Variants in BTBD9 observed in about 807,000 individuals in gnomAD.
BTBD9 encodes BTB domain containing 9, also known as BTB/POZ domain-containing protein 9.
BTBD9 carries 49 observed loss-of-function variants against 64.3 expected under a neutral mutation model. That is an observed-to-expected ratio of 0.76 (90% CI 0.61 to 0.97). The LOEUF (loss-of-function observed/expected upper bound fraction) is 0.97, where lower values mean the gene tolerates loss of function less well. Ranked by LOEUF, BTBD9 falls within the 50% of genes least tolerant of loss-of-function variation. BTBD9 has a pLI of 0.00. For missense variants in BTBD9, 598 were observed against 762.1 expected (o/e 0.78, Z 2.53); for synonymous variants, 260 against 274.7 (o/e 0.95, Z 0.53).
chr6:38,396,848 G>A, intron 6 of BTBD9, among the ~76,000 whole-genome samples: 1 of 137,568 alleles, frequency 7.3e-6, no homozygotes, highest in East Asian at 2.1e-4. Context: ...TGAATATATT[G>A]TTTAAATAAA....
chr6:38,286,530 A>G (rs1282957082), intron 8 of BTBD9, among the ~76,000 whole-genome samples: 1 of 152,182 alleles, frequency 6.6e-6, no homozygotes, highest in Non-Finnish European at 1.5e-5. Flanking sequence ...ACATATATAT[A>G]TAAACATTAT....
chr6:38,634,920 T>C, intron 1 of BTBD9, among the ~76,000 whole-genome samples: 1 of 152,200 alleles, frequency 6.6e-6, no homozygotes, highest in Non-Finnish European at 1.5e-5. Context: ...AAAATTCTTA[T>C]TCTTCTCTAA....
At chr6:38,324,059 T>C (rs1763331017) in intron 7 of BTBD9, among the ~76,000 whole-genome samples, 1 of 152,154 alleles carries the variant, frequency 6.6e-6, no homozygotes, top group African/African-American at 2.4e-5. Context: ...GCTTTGATCA[T>C]GCCACTGAAC....
intron 10 of BTBD9, among the ~76,000 whole-genome samples, chr6:38,178,198 T>C (rs1761368876): frequency 6.6e-6 from 1 of 151,518 alleles, no homozygotes; most frequent in Admixed American, 6.6e-5. Flanking sequence ...AATCACAAAC[T>C]GTGTGGCGAA....
chr6:38,434,235 C>G (rs2127298942), intron 6 of BTBD9, among the ~76,000 whole-genome samples: 1 of 152,074 alleles, frequency 6.6e-6, no homozygotes, highest in Non-Finnish European at 1.5e-5. Flanking sequence ...TCTCCCAACC[C>G]TGAAGAGATT....
Position 38,293,824 on chromosome 6 carries a change from T to A in BTBD9, c.1265-5363A>T, listed in dbSNP as rs145837102. Among the ~76,000 whole-genome samples, 1,282 of 152,058 alleles carry A rather than the reference T, an allele frequency of 8.4e-3. 22 individuals are homozygous for A. Among genetic ancestry groups the A allele is most frequent in the African/African-American group, 0.028 (1,158 of 41,478 alleles). Reference sequence around the variant, plus strand: ...CAAAAGCCAAAATTGACAAATGGGATCTAATTGAACTAAAGAGCTTCTGCA... The same window carrying A: ...CAAAAGCCAAAATTGACAAATGGGAACTAATTGAACTAAAGAGCTTCTGCA... On this transcript the variant is annotated intron_variant, in intron 7 of 10. Transcript: ENST00000481247.
intron 7 of BTBD9, among the ~76,000 whole-genome samples, chr6:38,339,735 G>A (rs1327572239): frequency 6.6e-6 from 1 of 152,166 alleles, no homozygotes; most frequent in Non-Finnish European, 1.5e-5. Flanking sequence ...TTGCAGGTTT[G>A]ATTTTGGAAC....
chr6:38,632,677 A>C (rs936638730), intron 1 of BTBD9, among the ~76,000 whole-genome samples: 3 of 152,174 alleles, frequency 2.0e-5, no homozygotes, highest in Admixed American at 6.5e-5. Context: ...CACACCTGTA[A>C]TCCCAGTACT....
chr6:38,225,633 T>C (rs1225036160), intron 9 of BTBD9, among the ~76,000 whole-genome samples: 1 of 152,182 alleles, frequency 6.6e-6, no homozygotes, highest in African/African-American at 2.4e-5. Context: ...AAGTTATAAA[T>C]AACTTAAAAT....
chr6:38,299,429 C>T (rs1447099290), intron 7 of BTBD9, among the ~76,000 whole-genome samples: 1 of 152,210 alleles, frequency 6.6e-6, no homozygotes, highest in African/African-American at 2.4e-5. Context: ...GAGGAATCGC[C>T]ACACTGACTT....
intron 7 of BTBD9, among the ~76,000 whole-genome samples, chr6:38,310,159 C>T (rs1762776724): frequency 6.6e-6 from 1 of 152,170 alleles, no homozygotes; most frequent in Non-Finnish European, 1.5e-5. Context: ...TGAGTACGAA[C>T]TTCTGAATAC....
chr6:38,259,349 C>T (rs189139649), intron 8 of BTBD9, among the ~76,000 whole-genome samples: 2 of 152,298 alleles, frequency 1.3e-5, no homozygotes, highest in East Asian at 3.9e-4. Flanking sequence ...AAAGCTATTA[C>T]TGAGGACTAG....
At chr6:38,633,333 G>A (rs1778422686) in intron 1 of BTBD9, among the ~76,000 whole-genome samples, 1 of 152,162 alleles carries the variant, frequency 6.6e-6, no homozygotes, top group Non-Finnish European at 1.5e-5. Flanking sequence ...ACAAGCTACA[G>A]ACAAACAGTT....
At chr6:38,590,297 T>C (rs1380525830) in intron 4 of BTBD9, among the ~76,000 whole-genome samples, 2 of 152,240 alleles carry the variant, frequency 1.3e-5, no homozygotes, top group East Asian at 1.9e-4. Context: ...AATGGTTTCC[T>C]ATATTGAGCT....
At chr6:38,556,847 T>A (rs1407978967) in intron 6 of BTBD9, among the ~76,000 whole-genome samples, 3 of 149,216 alleles carry the variant, frequency 2.0e-5, no homozygotes, top group African/African-American at 7.4e-5. Flanking sequence ...TGAAAACCCG[T>A]CTCTACTAAA....
chr6:38,306,450 A>G (rs377203620), intron 7 of BTBD9, among the ~76,000 whole-genome samples: 1 of 152,248 alleles, frequency 6.6e-6, no homozygotes, highest in Non-Finnish European at 1.5e-5. Flanking sequence ...GCACATAGCA[A>G]TTCTGCTCAG....
chr6:38,504,204 T>G (rs1437758505), intron 6 of BTBD9, among the ~76,000 whole-genome samples: 2 of 152,198 alleles, frequency 1.3e-5, no homozygotes, highest in Non-Finnish European at 2.9e-5. Flanking sequence ...CCCAAGTAAC[T>G]GCATACGGCT....
At chr6:38,566,171 T>C (rs181027474) in intron 6 of BTBD9, 1 of 152,294 alleles carries the variant, frequency 6.6e-6, no homozygotes. Flanking sequence ...TACTACATAA[T>C]ACCATTTTTG....
At chr6:38,582,306 T>C (rs1776326491) in intron 4 of BTBD9, among the ~76,000 whole-genome samples, 1 of 152,252 alleles carries the variant, frequency 6.6e-6, no homozygotes, top group Non-Finnish European at 1.5e-5. Context: ...TTAACAAATC[T>C]TCTATAATAC....
Sources: gnomAD v4.1 joint callset for allele counts (sites outside exome capture counted in the v4.1 genomes callset) on GRCh38, gnomAD v4.1.1 for gene constraint, MANE v1.5 for transcripts, NCBI Gene and HGNC (gene_info 2026-07-23, HGNC 2026-07-21) for gene names.